ROCK2: variants seen among roughly 807,000 people sequenced by gnomAD.
The protein encoded by ROCK2 is Rho associated coiled-coil containing protein kinase 2.
ROCK2 carries 61 observed loss-of-function variants against 195.1 expected under a neutral mutation model. That is an observed-to-expected ratio of 0.31 (90% CI 0.25 to 0.39). The LOEUF (loss-of-function observed/expected upper bound fraction) is 0.39, where lower values mean the gene tolerates loss of function less well. Ranked by LOEUF, ROCK2 falls within the 10% of genes least tolerant of loss-of-function variation. The pLI is 1.00. For synonymous variants in ROCK2, 504 were observed against 545.5 expected (o/e 0.92, Z 1.06); for missense variants, 1,109 against 1,637.4 (o/e 0.68, Z 5.57).
chr2:11,257,203 G>A (rs966029537), intron 3 of ROCK2, among the ~76,000 whole-genome samples: 2 of 151,512 alleles, frequency 1.3e-5, no homozygotes, highest in Admixed American at 6.6e-5. Context: ...GGCAGCGAGA[G>A]CCTCATGGCG....
At chr2:11,329,700 CA>C (rs5829300) in intron 1 of ROCK2, among the ~76,000 whole-genome samples, 72 of 147,932 alleles carry the variant, frequency 4.9e-4, no homozygotes, top group Non-Finnish European at 7.5e-4. Context: ...CCCATTTTTA[CA>C]AAAAAAAAAA....
At position 11,197,437 on chromosome 2, in the gene ROCK2, A is replaced by G; in HGVS notation, c.3279+89T>C. 4 of 1,529,264 alleles carry G rather than the reference A, an allele frequency of 2.6e-6. No individual in the cohort carries two copies. Among genetic ancestry groups the G allele is most frequent in the Non-Finnish European group, 3.6e-6 (4 of 1,121,242 alleles). 94.7% of individuals were successfully genotyped at this position (1,529,264 alleles called of 1,614,324 possible). On this transcript the variant is annotated intron_variant, in intron 26 of 32. Coordinates refer to ENST00000315872, the MANE Select transcript of ROCK2 (RefSeq NM_004850.5). The surrounding 1 kb of genome is among the most constrained non-coding windows in gnomAD (Gnocchi z 4.9). ...GTTCAATAATAATTATTAAATAGAA[A>G]TGGTCTATAACCAGTAAAACACAGA... is the stretch of plus-strand genomic sequence containing the variant.
chr2:11,290,372 G>T lies in ROCK2; in HGVS notation c.142-2636C>A, dbSNP rs374792138. ...CCAGCTACTCGGGAAGCTGAAGTGG[G>T]AGGACTGCTTGAGCCCAGGAGTTCA... On this transcript the variant is annotated intron_variant, in intron 1 of 32. Transcript: ENST00000315872. Among the ~76,000 whole-genome samples, 9 of 152,260 alleles carry T rather than the reference G, an allele frequency of 5.9e-5. No individual in the cohort carries two copies. In the East Asian group the frequency reaches 1.5e-3, roughly 26 times the overall value.
intron 1 of ROCK2, 46 bp downstream of exon 1, chr2:11,343,950 G>A: frequency 6.4e-7 from 1 of 1,571,492 alleles, no homozygotes; most frequent in Non-Finnish European, 8.6e-7. Flanking sequence ...GAGGGGATCT[G>A]AGGTGTGAGC....
chr2:11,213,342 G>T (rs1368806174), intron 17 of ROCK2, among the ~76,000 whole-genome samples: 1 of 152,068 alleles, frequency 6.6e-6, no homozygotes, highest in Non-Finnish European at 1.5e-5. Context: ...TTTCTTAATA[G>T]AGTATTCGCT....
chr2:11,256,769 C>T (rs1357601098), intron 3 of ROCK2, among the ~76,000 whole-genome samples: 1 of 151,254 alleles, frequency 6.6e-6, no homozygotes, highest in African/African-American at 2.5e-5. Flanking sequence ...TAATCCATTA[C>T]GGAGGCATAA....
At chr2:11,317,627 T>TTA (rs1192587957) in intron 1 of ROCK2, among the ~76,000 whole-genome samples, 1,059 of 31,374 alleles carry the variant, frequency 0.034, 227 homozygotes, top group East Asian at 0.3. Flanking sequence ...TTTTTTTTTT[T>TTA]AATTATACTT....
chr2:11,314,735 G>T (rs1668139310), intron 1 of ROCK2, among the ~76,000 whole-genome samples: 1 of 151,846 alleles, frequency 6.6e-6, no homozygotes, highest in Non-Finnish European at 1.5e-5. Context: ...ACCATATTGT[G>T]GTATGTGATA....
chr2:11,335,916 C>T lies in ROCK2; in HGVS notation c.141+8080G>A, dbSNP rs1004739216. Among the ~76,000 whole-genome samples the T allele has an allele frequency of 7.2e-5, 11 of 152,126 alleles. No individual in the cohort carries two copies. The East Asian group carries it at 1.2e-3, about 16-fold the overall frequency. On this transcript the variant is annotated intron_variant, in intron 1 of 32. Transcript: ENST00000315872. Reference sequence around the variant, plus strand: ...AGCCAGAAATCACTTTACAGTGAAACGATTGATAATTGTGACTATATAAAA... The same window carrying T: ...AGCCAGAAATCACTTTACAGTGAAATGATTGATAATTGTGACTATATAAAA...
At chr2:11,249,174 G>C (rs1324340808) in intron 4 of ROCK2, among the ~76,000 whole-genome samples, 1 of 152,134 alleles carries the variant, frequency 6.6e-6, no homozygotes. Context: ...GGGATTACAG[G>C]TGTGAGCCAC....
chr2:11,319,157 TGATGG>T (rs1668323080), intron 1 of ROCK2, among the ~76,000 whole-genome samples: 2 of 152,194 alleles, frequency 1.3e-5, no homozygotes, highest in South Asian at 4.1e-4. Context: ...AGTGGTAGCT[TGATGG>T]GGATGGCATT....
intron 1 of ROCK2, among the ~76,000 whole-genome samples, chr2:11,290,307 A>C (rs1667320937): frequency 6.6e-6 from 1 of 152,134 alleles, no homozygotes; most frequent in Non-Finnish European, 1.5e-5. Flanking sequence ...ATTTTCTTTA[A>C]GTGACCCTAA....
At chr2:11,337,565 C>G (rs1668969202) in intron 1 of ROCK2, among the ~76,000 whole-genome samples, 1 of 151,870 alleles carries the variant, frequency 6.6e-6, no homozygotes, top group South Asian at 2.1e-4. Context: ...TGTGGAGCAA[C>G]TGGAACTCTC....
At chr2:11,317,586 ATATATATATATATATATATATATATAT>A (rs1668241694) in intron 1 of ROCK2, among the ~76,000 whole-genome samples, 1 of 11,878 alleles carries the variant, frequency 8.4e-5, no homozygotes, top group Non-Finnish European at 1.7e-4. Context: ...TTATATATAT[ATATATATATATATATATATATATATAT>A]TTTTTTTTTT....
intron 3 of ROCK2, among the ~76,000 whole-genome samples, chr2:11,255,452 C>G (rs897332950): frequency 4.0e-5 from 6 of 150,272 alleles, no homozygotes; most frequent in Admixed American, 6.6e-5. Context: ...AAGGAAAATG[C>G]GACTCATCAT....
In ROCK2 at chr2:11,194,939, C is replaced by A; in HGVS notation, c.3519+16G>T. The A allele has an allele frequency of 6.8e-7, 1 of 1,478,032 alleles. No homozygotes were observed. The highest frequency in any genetic ancestry group is 9.2e-7 in the Non-Finnish European group (1 of 1,082,220). The allele number at this position is 1,478,032 out of a possible 1,614,324, so 91.6% of individuals were successfully genotyped here. A position where few individuals can be genotyped will look rare whatever the true frequency, so the allele number is the denominator to read the frequency against. The stretch of plus-strand genomic sequence containing the variant: ...AAAACAAAAACAAAAGGCTCATATT[C>A]CAAAGTATCAATTACCTTTTTAACC... On this transcript the variant is annotated intron_variant, in intron 28 of 32. Transcript: ENST00000315872.
At chr2:11,256,364 T>C (rs1666034453) in intron 3 of ROCK2, among the ~76,000 whole-genome samples, 2 of 151,168 alleles carry the variant, frequency 1.3e-5, no homozygotes, top group Non-Finnish European at 2.9e-5. Context: ...TCCCTCTTTG[T>C]TCTCGTCTTC....
intron 1 of ROCK2, among the ~76,000 whole-genome samples, chr2:11,334,728 G>A (rs774579509): frequency 4.2e-5 from 6 of 143,180 alleles, no homozygotes; most frequent in Non-Finnish European, 8.0e-5. Context: ...CTGCTCTGGC[G>A]CGTTTCTATC....
chr2:11,193,479 G>A (rs1370286952), intron 30 of ROCK2, among the ~76,000 whole-genome samples: 1 of 151,954 alleles, frequency 6.6e-6, no homozygotes, highest in Non-Finnish European at 1.5e-5. Context: ...AAAAATTCAT[G>A]TTTAAAAAAA....
Sources: allele counts gnomAD v4.1 joint callset (sites outside exome capture counted in the v4.1 genomes callset), GRCh38; gene constraint gnomAD v4.1.1; non-coding constraint Gnocchi (gnomAD v3.1); transcripts MANE v1.5; gene names NCBI Gene and HGNC (gene_info 2026-07-23, HGNC 2026-07-21).